ANKFN1: variants seen among roughly 807,000 people sequenced by gnomAD.
ANKFN1 encodes the protein ankyrin repeat and fibronectin type III domain containing 1.
In ANKFN1, 74 loss-of-function variants were observed where a neutral mutation model predicts 108.7. The ratio of observed to expected loss-of-function variants is 0.68; its 90% CI spans 0.56 to 0.83. ANKFN1 has a LOEUF of 0.83. Among genes scored for constraint, ANKFN1 ranks in the 40% least tolerant of loss-of-function variants. The probability of loss-of-function intolerance (pLI) is 0.00; values close to 1 mark genes in which losing one functional copy is unlikely to be tolerated. For missense variants in ANKFN1, 1,505 were observed against 1,382.3 expected, an observed-to-expected ratio of 1.09 and a Z score of -1.41; for synonymous variants, 547 against 516.2, an observed-to-expected ratio of 1.06 and a Z score of -0.81.
At chr17:56,353,449 C>G (rs2046297927) in intron 5 of ANKFN1, among the ~76,000 whole-genome samples, 1 of 152,074 alleles carries the variant, frequency 6.6e-6, no homozygotes, top group Admixed American at 6.6e-5. Flanking sequence ...GTTGGCTAGG[C>G]TGGTTTCAAA....
At chr17:56,155,760 T>A (rs1289486584) in intron 1 of ANKFN1, among the ~76,000 whole-genome samples, 1 of 152,026 alleles carries the variant, frequency 6.6e-6, no homozygotes, top group Non-Finnish European at 1.5e-5. Context: ...ATGACACAGA[T>A]CACAGGGGCC....
At chr17:56,239,729 T>C (rs1917439394) in intron 3 of ANKFN1, among the ~76,000 whole-genome samples, 1 of 152,072 alleles carries the variant, frequency 6.6e-6, no homozygotes. Context: ...CACAAGGATT[T>C]CTAAACTCCG....
At chr17:56,067,592 A>G (rs945120474) in intron 4 of ANKFN1, among the ~76,000 whole-genome samples, 5 of 152,226 alleles carry the variant, frequency 3.3e-5, no homozygotes, top group African/African-American at 1.2e-4. Flanking sequence ...TGTCACATTT[A>G]GCTAAGTGTT....
chr17:56,472,054 CAATT>C (rs998899503), intron 15 of ANKFN1: 2 of 152,062 alleles, frequency 1.3e-5, no homozygotes, highest in South Asian at 2.1e-4. Flanking sequence ...AGTTATAACT[CAATT>C]AAAATAAAAA....
rs2051288321 is a variant in ANKFN1, at chr17:56,499,056, C to T, written c.2602C>T (p.Pro868Ser). Residue 868 changes from proline (P) to serine (S), a missense_variant, in exon 20 of 21, where the codon CCA becomes TCA. Coordinates refer to ENST00000682825, the MANE Select transcript of ANKFN1 (RefSeq NM_001370326.1). ...SSSHIDCLPSPPPSPEMHRRK... is the reference protein window; with the variant it reads ...SSSHIDCLPSSPPSPEMHRRK... ...ATCACATATAGACTGTCTTCCATCCCCACCCCCATCCCCAGAGATGCACAG... is the reference window on the plus strand; with the variant it reads ...ATCACATATAGACTGTCTTCCATCCTCACCCCCATCCCCAGAGATGCACAG... The T allele has an allele frequency of 6.5e-7, 1 of 1,535,582 alleles. No individual in the cohort carries two copies. Among genetic ancestry groups the T allele is most frequent in the Non-Finnish European group, 8.7e-7 (1 of 1,146,570 alleles).
chr17:56,157,582 G>C (rs1011725910), intron 1 of ANKFN1, among the ~76,000 whole-genome samples: 10 of 152,150 alleles, frequency 6.6e-5, no homozygotes, highest in Non-Finnish European at 1.3e-4. Context: ...GTCTTACCAG[G>C]GACTATTTCC....
rs149456355 is a variant in ANKFN1, at chr17:56,142,106, T to G, written c.289-85811T>G. On this transcript the variant is annotated intron_variant, in intron 4 of 12. Transcript: ENST00000635860. ...CCACCATGCTCAGCTAACTTTTGTA[T>G]TTTTAGTAGAGACAGGGTTTCATCA... 9.8e-3 allele frequency among the ~76,000 whole-genome samples: 1,485 copies of G among 152,074 alleles called. 20 individuals are homozygous for G. The highest frequency in any genetic ancestry group is 0.033 in the African/African-American group (1,384 of 41,460).
chr17:56,310,534 G>A (rs991534766), intron 3 of ANKFN1, among the ~76,000 whole-genome samples: 6 of 151,732 alleles, frequency 4.0e-5, no homozygotes, highest in Non-Finnish European at 8.8e-5. Flanking sequence ...GGAGAATGGC[G>A]TGAAGCTGGG....
intron 4 of ANKFN1, among the ~76,000 whole-genome samples, chr17:56,093,088 A>G (rs1393075490): frequency 1.3e-5 from 2 of 151,290 alleles, no homozygotes; most frequent in Non-Finnish European, 3.0e-5. Context: ...CAGGCAGCAT[A>G]ATGTGATCTC....
At chr17:56,482,828 A>T (rs1027487725) in intron 18 of ANKFN1, among the ~76,000 whole-genome samples, 1 of 151,968 alleles carries the variant, frequency 6.6e-6, no homozygotes, top group African/African-American at 2.4e-5. Context: ...TAAATATAAA[A>T]ACCGATGTTT....
intron 3 of ANKFN1, among the ~76,000 whole-genome samples, chr17:56,238,250 T>C (rs1448652110): frequency 6.6e-6 from 1 of 152,122 alleles, no homozygotes; most frequent in Admixed American, 6.6e-5. Context: ...GTATATTCTG[T>C]TGTTGGGGAC....
chr17:56,433,996 A>G (rs976283098), intron 8 of ANKFN1, among the ~76,000 whole-genome samples: 1 of 152,192 alleles, frequency 6.6e-6, no homozygotes, highest in Non-Finnish European at 1.5e-5. Context: ...AGATTGTGCC[A>G]CTACACTCCG....
intron 2 of ANKFN1, among the ~76,000 whole-genome samples, chr17:56,218,846 G>A (rs1915632803): frequency 6.6e-6 from 1 of 152,250 alleles, no homozygotes; most frequent in South Asian, 2.1e-4. Context: ...TTGATCCAAT[G>A]TTTCCCAAAC....
At chr17:56,486,859 T>G (rs905536829) in intron 18 of ANKFN1, among the ~76,000 whole-genome samples, 1 of 152,196 alleles carries the variant, frequency 6.6e-6, no homozygotes, top group African/African-American at 2.4e-5. Context: ...TCAGTTTGAC[T>G]TGTATAAGTC....
intron 4 of ANKFN1, among the ~76,000 whole-genome samples, chr17:56,103,326 G>T (rs1186025424): frequency 6.6e-6 from 1 of 152,226 alleles, no homozygotes; most frequent in Non-Finnish European, 1.5e-5. Context: ...AGGATGGAAG[G>T]CACAGATGCC....
At chr17:56,335,679 C>A (rs2045786624) in intron 4 of ANKFN1, among the ~76,000 whole-genome samples, 1 of 152,142 alleles carries the variant, frequency 6.6e-6, no homozygotes, top group African/African-American at 2.4e-5. Context: ...AATTTGATTT[C>A]CTCTTTTCCT....
chr17:56,102,227 C>A (rs1905661575), intron 4 of ANKFN1, among the ~76,000 whole-genome samples: 1 of 152,130 alleles, frequency 6.6e-6, no homozygotes, highest in African/African-American at 2.4e-5. Flanking sequence ...GGAGATACTC[C>A]TTCTTTTAAC....
chr17:56,087,519 C>T (rs9901191), intron 4 of ANKFN1, among the ~76,000 whole-genome samples: 8,985 of 150,746 alleles, frequency 0.06, 1,073 homozygotes, highest in African/African-American at 0.21. Context: ...TTTAGCTCAA[C>T]GCCAGTGGAC....
At chr17:56,154,316 G>A (rs77177441) in intron 1 of ANKFN1, among the ~76,000 whole-genome samples, 1 of 152,254 alleles carries the variant, frequency 6.6e-6, no homozygotes, top group African/African-American at 2.4e-5. Context: ...AACTTATTCA[G>A]CTACTTCACT....
Sources: allele counts gnomAD v4.1 joint callset (sites outside exome capture counted in the v4.1 genomes callset), GRCh38; gene constraint gnomAD v4.1.1; transcripts MANE v1.5; gene names NCBI Gene and HGNC (gene_info 2026-07-23, HGNC 2026-07-21).